Variants in ESRRG observed in about 807,000 individuals in gnomAD.
The protein encoded by ESRRG is estrogen-related receptor gamma.
In ESRRG, 13 loss-of-function variants were observed where a neutral mutation model predicts 44.0. The ratio of observed to expected loss-of-function variants is 0.30; its 90% CI spans 0.19 to 0.47. The LOEUF is 0.47. Among genes scored for constraint, ESRRG ranks in the 20% least tolerant of loss-of-function variants. The pLI is 1.00. For synonymous variants in ESRRG, 215 were observed against 214.6 expected (o/e 1.00, Z -0.02); for missense variants, 395 against 580.6 (o/e 0.68, Z 3.29).
intron 5 of ESRRG, among the ~76,000 whole-genome samples, chr1:216,545,020 A>G (rs2054059809): frequency 6.6e-6 from 1 of 151,956 alleles, no homozygotes; most frequent in Non-Finnish European, 1.5e-5. Context: ...ATATAACAAT[A>G]TATTACATAT....
chr1:216,910,782 G>T (rs747432684), intron 2 of ESRRG, among the ~76,000 whole-genome samples: 1 of 152,074 alleles, frequency 6.6e-6, no homozygotes, highest in Non-Finnish European at 1.5e-5. Context: ...TCCTTAATAG[G>T]ATTTTTACTA....
intron 2 of ESRRG, among the ~76,000 whole-genome samples, chr1:216,861,262 T>A (rs1290967594): frequency 6.6e-6 from 1 of 151,928 alleles, no homozygotes; most frequent in East Asian, 1.9e-4. Context: ...ACACATTAAA[T>A]AAAAGTGGTT....
intron 2 of ESRRG, chr1:216,855,049 G>T (rs982412827): frequency 6.6e-6 from 1 of 152,178 alleles, no homozygotes; most frequent in Non-Finnish European, 1.5e-5. Flanking sequence ...TGGAGAGTCT[G>T]TCCGGTTAGG....
chr1:216,543,909 C>T (rs1243435115), intron 5 of ESRRG, among the ~76,000 whole-genome samples: 1 of 151,922 alleles, frequency 6.6e-6, no homozygotes, highest in Non-Finnish European at 1.5e-5. Flanking sequence ...AGATTTGTTT[C>T]AAATATTGAA....
At chr1:217,071,255 A>T (rs1221490961) in intron 1 of ESRRG, among the ~76,000 whole-genome samples, 2 of 152,200 alleles carry the variant, frequency 1.3e-5, no homozygotes, top group African/African-American at 2.4e-5. Context: ...ATTGCAAAAA[A>T]ACAAAAAACA....
At chr1:216,953,143 C>T (rs1337801392) in intron 1 of ESRRG, among the ~76,000 whole-genome samples, 1 of 152,158 alleles carries the variant, frequency 6.6e-6, no homozygotes, top group Non-Finnish European at 1.5e-5. Context: ...GGCCTAGTTC[C>T]TCCATGCAGA....
At chr1:216,618,245 A>G (rs1220472121) in intron 3 of ESRRG, among the ~76,000 whole-genome samples, 1 of 152,236 alleles carries the variant, frequency 6.6e-6, no homozygotes, top group African/African-American at 2.4e-5. Context: ...CAGATATATT[A>G]TGGATATACC....
intron 2 of ESRRG, among the ~76,000 whole-genome samples, chr1:216,801,410 C>T (rs1474575349): frequency 2.6e-5 from 4 of 152,142 alleles, no homozygotes; most frequent in African/African-American, 7.2e-5. Context: ...ACTACCTACC[C>T]CATTTCCGAC....
intron 2 of ESRRG, among the ~76,000 whole-genome samples, chr1:216,790,759 A>C (rs2094294003): frequency 6.6e-6 from 1 of 152,094 alleles, no homozygotes; most frequent in African/African-American, 2.4e-5. Context: ...AGAATAATGA[A>C]TCATGATCAG....
intron 1 of ESRRG, among the ~76,000 whole-genome samples, chr1:217,113,729 C>T (rs2092686656): frequency 6.6e-6 from 1 of 152,150 alleles, no homozygotes; most frequent in African/African-American, 2.4e-5. Flanking sequence ...GTGGCTTACA[C>T]CTGTAATCCC....
intron 3 of ESRRG, among the ~76,000 whole-genome samples, chr1:216,629,258 A>G (rs2063704920): frequency 6.6e-6 from 1 of 152,274 alleles, no homozygotes; most frequent in Non-Finnish European, 1.5e-5. Flanking sequence ...GACATGAGAG[A>G]AACATCAGCA....
chr1:216,878,982 A>C (rs890030783), intron 2 of ESRRG, among the ~76,000 whole-genome samples: 2 of 152,208 alleles, frequency 1.3e-5, no homozygotes, highest in Non-Finnish European at 2.9e-5. Flanking sequence ...AAAAAAGATT[A>C]AATTACAACT....
intron 1 of ESRRG, among the ~76,000 whole-genome samples, chr1:216,971,449 T>C (rs2071641099): frequency 6.6e-6 from 1 of 152,162 alleles, no homozygotes; most frequent in African/African-American, 2.4e-5. Flanking sequence ...GCACGGGCCA[T>C]TCCAAAGGCA....
chr1:216,908,118 C>G (rs1026067559), intron 2 of ESRRG, among the ~76,000 whole-genome samples: 3 of 152,226 alleles, frequency 2.0e-5, no homozygotes, highest in African/African-American at 7.2e-5. Context: ...TCTCTCAACT[C>G]TATCCAGAAT....
At chr1:216,595,735 T>C (rs563717799) in intron 3 of ESRRG, among the ~76,000 whole-genome samples, 91 of 152,374 alleles carry the variant, frequency 6.0e-4, no homozygotes, top group South Asian at 2.1e-3. Flanking sequence ...TTCTTTAGAA[T>C]GCTGAATTTA....
intron 1 of ESRRG, among the ~76,000 whole-genome samples, chr1:217,000,977 T>C (rs1289943094): frequency 6.6e-6 from 1 of 152,188 alleles, no homozygotes; most frequent in African/African-American, 2.4e-5. Flanking sequence ...GTGGCCTCAA[T>C]GAGATACATC....
intron 2 of ESRRG, among the ~76,000 whole-genome samples, chr1:216,926,554 T>G (rs539929624): frequency 1.3e-5 from 2 of 152,316 alleles, no homozygotes; most frequent in East Asian, 3.9e-4. Context: ...CATTTAATTT[T>G]AAAATTTTAT....
chr1:216,659,370 T>C (rs556773243), intron 2 of ESRRG, among the ~76,000 whole-genome samples: 26 of 152,302 alleles, frequency 1.7e-4, no homozygotes, highest in Non-Finnish European at 2.8e-4. Flanking sequence ...GAAAGGAAGA[T>C]AGTTGTTCTT....
intron 2 of ESRRG, among the ~76,000 whole-genome samples, chr1:216,930,252 T>G (rs1007389498): frequency 6.6e-6 from 1 of 152,216 alleles, no homozygotes; most frequent in African/African-American, 2.4e-5. Flanking sequence ...TCCATATTGC[T>G]TTTTGGTTCT....
Sources: gnomAD v4.1 joint callset for allele counts (sites outside exome capture counted in the v4.1 genomes callset) on GRCh38, gnomAD v4.1.1 for gene constraint, MANE v1.5 for transcripts, NCBI Gene and HGNC (gene_info 2026-07-23, HGNC 2026-07-21) for gene names.